NFASC: variants seen among roughly 807,000 people sequenced by gnomAD.
NFASC encodes neurofascin, also known as neurofascin homolog.
In NFASC, 43 loss-of-function variants were observed where a neutral mutation model predicts 147.5. That is an observed-to-expected ratio of 0.29 (90% CI 0.23 to 0.38). The LOEUF is 0.38. Ranked by LOEUF, NFASC falls within the 10% of genes least tolerant of loss-of-function variation. The pLI is 1.00. For synonymous variants in NFASC, 622 were observed against 665.5 expected (o/e 0.93, Z 1.01); for missense variants, 1,320 against 1,689.0 (o/e 0.78, Z 3.83).
At position 204,986,405 on chromosome 1, in the gene NFASC, GC is replaced by G. The variant is rs1371251313; in HGVS notation, c.2471-1011del. Among the ~76,000 whole-genome samples, 1 of 152,230 alleles carries G rather than the reference GC, an allele frequency of 6.6e-6. No individual in the cohort carries two copies. Among genetic ancestry groups the G allele is most frequent in the Non-Finnish European group, 1.5e-5 (1 of 68,040 alleles). On this transcript the variant is annotated intron_variant, in intron 21 of 29. Coordinates refer to ENST00000339876, the MANE Select transcript of NFASC (RefSeq NM_001005388.3). The surrounding 1 kb of genome is among the most constrained non-coding windows in gnomAD (Gnocchi z 4.2). ...CCCCGAGGGCACGGCGGGCACCTGG[GC>G]CACCCCACCACCTTCCGAGGCAGAA...
chr1:204,848,490 T>G (rs2075373707), intron 1 of NFASC, among the ~76,000 whole-genome samples: 1 of 152,158 alleles, frequency 6.6e-6, no homozygotes, highest in Non-Finnish European at 1.5e-5. Flanking sequence ...CTTCCCAAAG[T>G]GTTGTGATTA....
chr1:204,852,531 G>A (rs2075785926), intron 1 of NFASC, among the ~76,000 whole-genome samples: 1 of 152,128 alleles, frequency 6.6e-6, no homozygotes, highest in African/African-American at 2.4e-5. Context: ...AGAAAGTGGA[G>A]TGAGAATCCT....
chr1:204,890,384 G>C (rs143477990), intron 1 of NFASC, among the ~76,000 whole-genome samples: 2 of 152,194 alleles, frequency 1.3e-5, no homozygotes, highest in Non-Finnish European at 2.9e-5. Flanking sequence ...TACAGGGCAG[G>C]CCTGGGGGCA....
At chr1:204,887,386 T>G (rs2081498799) in intron 1 of NFASC, among the ~76,000 whole-genome samples, 1 of 152,146 alleles carries the variant, frequency 6.6e-6, no homozygotes, top group African/African-American at 2.4e-5. Context: ...ATACCACATT[T>G]TGTTTATCCA....
chr1:204,972,447 A>G (rs2095289177), intron 11 of NFASC, among the ~76,000 whole-genome samples: 1 of 152,180 alleles, frequency 6.6e-6, no homozygotes, highest in South Asian at 2.1e-4. Context: ...CCCATCTTAC[A>G]GAAGAAGGAA....
At chr1:204,949,744 C>T (rs2093988692) in intron 3 of NFASC, among the ~76,000 whole-genome samples, 1 of 152,162 alleles carries the variant, frequency 6.6e-6, no homozygotes, top group African/African-American at 2.4e-5. Flanking sequence ...TTTAACCAGC[C>T]CCCAGGTGAT....
chr1:204,899,989 A>G (rs1481140246), intron 1 of NFASC, among the ~76,000 whole-genome samples: 2 of 152,340 alleles, frequency 1.3e-5, no homozygotes, highest in East Asian at 3.9e-4. Context: ...CTAAGTGGTT[A>G]GGATGATCCA....
At chr1:204,990,341 T>C (rs568622414) in intron 23 of NFASC, 1 of 152,262 alleles carries the variant, frequency 6.6e-6, no homozygotes, top group South Asian at 2.1e-4. Context: ...TGCACTTTCT[T>C]GATTACTCAA....
chr1:204,944,465 GGGGA>G, intron 3 of NFASC, 59 bp downstream of exon 3: 2 of 1,077,102 alleles, frequency 1.9e-6, no homozygotes. Flanking sequence ...AGGGGTGGGA[GGGGA>G]GGGAAGGTCA....
In NFASC at chr1:205,016,557, C is replaced by T. The variant is rs766750735; in HGVS notation, c.*18C>T. 2.5e-6 allele frequency: 4 copies of T among 1,584,646 alleles called. No homozygotes were observed. The Admixed American group carries it at 6.7e-5, about 26-fold the overall frequency. On this transcript the variant is annotated 3_prime_UTR_variant, in exon 30 of 30. Coordinates refer to ENST00000339876, the MANE Select transcript of NFASC (RefSeq NM_001005388.3). This position sits in a 1 kb window ranked among gnomAD's most constrained non-coding sequence, Gnocchi z 5.1. Reference sequence around the variant, plus strand: ...TGGCCTAACGGAGCCCACCCAGGCACAGCCACCACTTTGCAAGTGGGAGGA... The same window carrying T: ...TGGCCTAACGGAGCCCACCCAGGCATAGCCACCACTTTGCAAGTGGGAGGA...
chr1:204,968,738 T>C lies in NFASC; in HGVS notation c.819-60T>C. ...GGCCACCTGGGTGTCCCCAGCTGTA[T>C]AGAAGAGGAGAAAGGCCACGTTTAG... is the stretch of plus-strand genomic sequence containing the variant. On this transcript the variant is annotated intron_variant, in intron 9 of 29. Transcript: ENST00000339876. The surrounding 1 kb of genome is among the most constrained non-coding windows in gnomAD (Gnocchi z 5.4). The C allele has an allele frequency of 1.3e-6, 2 of 1,513,728 alleles. No homozygotes were observed. Among genetic ancestry groups the C allele is most frequent in the East Asian group, 2.3e-5 (1 of 43,112 alleles). 93.8% of individuals were successfully genotyped at this position (1,513,728 alleles called of 1,614,324 possible).
intron 1 of NFASC, among the ~76,000 whole-genome samples, chr1:204,836,778 T>C (rs921093648): frequency 1.3e-5 from 2 of 152,266 alleles, no homozygotes; most frequent in African/African-American, 4.8e-5. Flanking sequence ...ATCTTTCCGA[T>C]TATCATCACA....
At chr1:204,908,468 T>C (rs1050912476) in intron 1 of NFASC, among the ~76,000 whole-genome samples, 1 of 152,170 alleles carries the variant, frequency 6.6e-6, no homozygotes, top group African/African-American at 2.4e-5. Flanking sequence ...ATTATTTACA[T>C]AGAATACAAA....
chr1:204,980,135 TG>T (rs1342020882), intron 19 of NFASC, among the ~76,000 whole-genome samples: 2 of 152,340 alleles, frequency 1.3e-5, no homozygotes, highest in South Asian at 2.1e-4. Context: ...AAATGCTGTC[TG>T]GTAAAGGATT....
intron 1 of NFASC, among the ~76,000 whole-genome samples, chr1:204,890,804 G>A (rs1277348507): frequency 6.6e-6 from 1 of 152,010 alleles, no homozygotes; most frequent in African/African-American, 2.4e-5. Flanking sequence ...TTCTGACCTC[G>A]GGTGATCCAC....
chr1:204,873,622 C>T (rs936694581), intron 1 of NFASC, among the ~76,000 whole-genome samples: 2 of 152,158 alleles, frequency 1.3e-5, no homozygotes, highest in Non-Finnish European at 2.9e-5. Flanking sequence ...CGTTCTTTAC[C>T]TAGGACACAA....
intron 1 of NFASC, among the ~76,000 whole-genome samples, chr1:204,904,568 T>C (rs1052852274): frequency 6.6e-6 from 1 of 152,226 alleles, no homozygotes; most frequent in Non-Finnish European, 1.5e-5. Context: ...AGAATGTAGA[T>C]ATCTCTGTGA....
At chr1:204,991,685 T>C (rs2150675847) in intron 24 of NFASC, among the ~76,000 whole-genome samples, 1 of 152,358 alleles carries the variant, frequency 6.6e-6, no homozygotes, top group African/African-American at 2.4e-5. Flanking sequence ...TCCCCAGCTG[T>C]GGCCCTAGAA....
Position 204,975,353 on chromosome 1 carries a change from C to T in NFASC, c.1641C>T (p.His547=), listed in dbSNP as rs766678329. The change falls in exon 15 of 30, where the codon CAC becomes CAT. Residue 547 remains histidine (H), a synonymous_variant. Transcript: ENST00000339876. This position sits in a 1 kb window ranked among gnomAD's most constrained non-coding sequence, Gnocchi z 4.0. ...TTVQLECRVK[H]DPSLKLTVSW... Reference sequence around the variant, plus strand: ...TGCAGCTGGAGTGTCGGGTGAAGCACGACCCCTCCCTGAAACTCACCGTCT... The same window carrying T: ...TGCAGCTGGAGTGTCGGGTGAAGCATGACCCCTCCCTGAAACTCACCGTCT... The T allele has an allele frequency of 1.2e-6, 2 of 1,613,958 alleles. No individual in the cohort carries two copies. The highest frequency in any genetic ancestry group is 1.7e-5 in the Admixed American group (1 of 59,996).
Sources: allele counts gnomAD v4.1 joint callset (sites outside exome capture counted in the v4.1 genomes callset), GRCh38; gene constraint gnomAD v4.1.1; non-coding constraint Gnocchi (gnomAD v3.1); transcripts MANE v1.5; gene names NCBI Gene and HGNC (gene_info 2026-07-23, HGNC 2026-07-21).